The following KLHL12 variants were observed in gnomAD, a reference collection of about 807,000 sequenced individuals.
KLHL12 encodes kelch-like protein 12.
In KLHL12, 17 loss-of-function variants were observed where a neutral mutation model predicts 60.8. That is an observed-to-expected ratio of 0.28 (90% CI 0.19 to 0.42). The LOEUF is 0.42. KLHL12 is among the 10% of genes least tolerant of loss of function. The pLI is 1.00. For synonymous variants in KLHL12, 220 were observed against 250.9 expected (o/e 0.88, Z 1.16); for missense variants, 468 against 722.3 (o/e 0.65, Z 4.04).
upstream of KLHL12, among the ~76,000 whole-genome samples, chr1:202,927,519 C>CAAAA (rs869139683): frequency 1.3e-4 from 7 of 52,796 alleles, 3 homozygotes; most frequent in Non-Finnish European, 2.3e-4. Flanking sequence ...CCCGTTTCTA[C>CAAAA]AAAAAAAAAA....
rs1659809853 is a variant in KLHL12 at position 202,895,634 on chromosome 1, G to A, written c.1023C>T (p.Ser341=). 6.2e-7 allele frequency: 1 copy of A among 1,613,996 alleles called. No homozygotes were observed. The highest frequency in any genetic ancestry group is 1.3e-5 in the African/African-American group (1 of 74,886). Residue 341 remains serine, a synonymous_variant, in exon 8 of 12, where the codon TCC becomes TCT. Transcript: ENST00000367261. The surrounding 1 kb of genome is among the most constrained non-coding windows in gnomAD (Gnocchi z 4.2). ...CTAGACATTCCACTGAACTAAGGCG[G>A]GAACGGCCATCATAGCCACCAATGA... ...IYVIGGYDGR[S]RLSSVECLDY...
chr1:202,917,647 AG>A (rs1660563423), intron 4 of KLHL12, among the ~76,000 whole-genome samples: 1 of 152,108 alleles, frequency 6.6e-6, no homozygotes. Context: ...TCCACTCCTG[AG>A]CAAAGGTTTA....
Position 202,892,439 on chromosome 1 carries a change from T to C in KLHL12, c.*94A>G. 7.0e-7 allele frequency: 1 copy of C among 1,418,908 alleles called. No homozygotes were observed. The highest frequency in any genetic ancestry group is 9.8e-7 in the Non-Finnish European group (1 of 1,020,994). 87.9% of individuals were successfully genotyped at this position (1,418,908 alleles called of 1,614,324 possible). Reference sequence around the variant, plus strand: ...GGTGCCTGTAATCACCCGGTGCACATAGTGAGAAACAGACATTCTGGAAAG... The same window carrying C: ...GGTGCCTGTAATCACCCGGTGCACACAGTGAGAAACAGACATTCTGGAAAG... On this transcript the variant is annotated 3_prime_UTR_variant, in exon 12 of 12. Coordinates refer to ENST00000367261, the MANE Select transcript of KLHL12 (RefSeq NM_021633.4).
intron 3 of KLHL12, among the ~76,000 whole-genome samples, chr1:202,918,667 A>G (rs1021633001): frequency 6.6e-6 from 1 of 152,258 alleles, no homozygotes; most frequent in African/African-American, 2.4e-5. Context: ...CAATTCAACA[A>G]AAATGCCTAT....
At chr1:202,906,070 C>T (rs1360864238) in intron 6 of KLHL12, among the ~76,000 whole-genome samples, 14 of 145,384 alleles carry the variant, frequency 9.6e-5, no homozygotes, top group Middle Eastern at 3.6e-3. Flanking sequence ...CCACCCGCCT[C>T]GGCCTCCCAA....
intron 4 of KLHL12, chr1:202,912,357 T>C: frequency 1.3e-6 from 1 of 795,510 alleles, no homozygotes; most frequent in Non-Finnish European, 2.2e-6. Context: ...GAAAGCCCTG[T>C]CAAAGTAAGA....
rs774193240 is a variant in KLHL12, at chr1:202,911,166, T to C, written c.605A>G (p.Asn202Ser). 4 of 1,614,152 alleles carry C rather than the reference T, an allele frequency of 2.5e-6. No individual in the cohort carries two copies. Among genetic ancestry groups the C allele is most frequent in the Middle Eastern group, 1.6e-4 (1 of 6,062 alleles). The change falls in exon 5 of 12, where the codon AAC (asparagine) becomes AGC (serine). Residue 202 changes from asparagine to serine, a missense_variant. By Grantham distance (46) the Asn-to-Ser change is conservative. Transcript: ENST00000367261. ...CTCTTTCTTGGCATGCTTCACCCAGTTGATGACAGCCTCAAAGACTGGCTC... is the reference window on the plus strand; with the variant it reads ...CTCTTTCTTGGCATGCTTCACCCAGCTGATGACAGCCTCAAAGACTGGCTC... ...SEEPVFEAVI[N>S]WVKHAKKERE...
chr1:202,900,995 G>A (rs1349530720), intron 6 of KLHL12, among the ~76,000 whole-genome samples: 3 of 151,994 alleles, frequency 2.0e-5, no homozygotes, highest in Non-Finnish European at 2.9e-5. Flanking sequence ...GCAGTGAGCC[G>A]AGATCATGCC....
upstream of KLHL12, chr1:202,928,443 A>G (rs775204421): frequency 2.6e-4 from 315 of 1,220,090 alleles, no homozygotes; most frequent in Non-Finnish European, 3.3e-4. Flanking sequence ...TCCAACGCTT[A>G]ATATGCCAAG....
intron 1 of KLHL12, among the ~76,000 whole-genome samples, chr1:202,925,964 G>A (rs1381971393): frequency 6.6e-6 from 1 of 151,930 alleles, no homozygotes; most frequent in African/African-American, 2.4e-5. Flanking sequence ...AAATAGCCAG[G>A]CGTGGTGATG....
intron 6 of KLHL12, among the ~76,000 whole-genome samples, chr1:202,905,972 T>TA (rs1239789522): frequency 3.1e-5 from 4 of 130,778 alleles, no homozygotes; most frequent in African/African-American, 5.7e-5. Context: ...ACCTGGCTTT[T>TA]TTTTTTTTTT....
At position 202,893,732 on chromosome 1, in the gene KLHL12, A is replaced by G. The variant is rs761160553; in HGVS notation, c.1394-307T>C. Among the ~76,000 whole-genome samples the G allele has an allele frequency of 2.0e-5, 3 of 152,274 alleles. No individual in the cohort carries two copies. Among genetic ancestry groups the G allele is most frequent in the Non-Finnish European group, 4.4e-5 (3 of 68,048 alleles). ...GTGAAAAAAAGGTGGCAATAAAGGT[A>G]GATGGAGGGAAAGGAGTTGTGATTA... On this transcript the variant is annotated intron_variant, in intron 10 of 11. Coordinates refer to ENST00000367261, the MANE Select transcript of KLHL12 (RefSeq NM_021633.4). The surrounding 1 kb of genome is among the most constrained non-coding windows in gnomAD (Gnocchi z 4.1).
intron 4 of KLHL12, among the ~76,000 whole-genome samples, chr1:202,913,832 G>A (rs1487935445): frequency 6.6e-6 from 1 of 152,178 alleles, no homozygotes; most frequent in African/African-American, 2.4e-5. Flanking sequence ...CCCATGCGTG[G>A]CTATTTACAT....
At chr1:202,910,493 G>A (rs960628922) in intron 5 of KLHL12, among the ~76,000 whole-genome samples, 1 of 152,206 alleles carries the variant, frequency 6.6e-6, no homozygotes, top group African/African-American at 2.4e-5. Context: ...TCTTCTTGCT[G>A]GGTTACCTAC....
intron 6 of KLHL12, among the ~76,000 whole-genome samples, chr1:202,902,323 G>A (rs1557989146): frequency 1.3e-5 from 2 of 151,830 alleles, no homozygotes; most frequent in Non-Finnish European, 2.9e-5. Flanking sequence ...TCAGCTACTC[G>A]GGAGGCTGAG....
intron 6 of KLHL12, among the ~76,000 whole-genome samples, chr1:202,904,854 T>C (rs192131278): frequency 2.0e-5 from 3 of 152,348 alleles, no homozygotes; most frequent in Admixed American, 2.0e-4. Flanking sequence ...AGCCACAAAT[T>C]AGAAAAGTAA....
chr1:202,912,629 C>G (rs1660399858), intron 4 of KLHL12: 2 of 1,343,112 alleles, frequency 1.5e-6, no homozygotes, highest in Admixed American at 3.4e-5. Flanking sequence ...AAGCTCTGGG[C>G]CCCTATGGCG....
rs1452480036 is a variant in KLHL12, at chr1:202,909,114, C to A, written c.728G>T (p.Arg243Leu). The change falls in exon 6 of 12, where the codon CGC becomes CTC. Residue 243 changes from arginine (R) to leucine (L), a missense_variant. Arg to Leu is a moderately radical substitution (Grantham distance 102). Transcript: ENST00000367261. This position sits in a 1 kb window ranked among gnomAD's most constrained non-coding sequence, Gnocchi z 4.1. ...CAGATCCCTGCATTGTAAACTACAG[C>A]GGATGAAAGGCTGAAATATAGCAGA... is the stretch of plus-strand genomic sequence containing the variant. ...TDVIDAEPFI[R>L]CSLQCRDLVD... 4 of 1,611,722 alleles carry A rather than the reference C, an allele frequency of 2.5e-6. No homozygotes were observed. The highest frequency in any genetic ancestry group is 3.4e-6 in the Non-Finnish European group (4 of 1,178,174).
chr1:202,894,457 G>A (rs888688729), intron 9 of KLHL12, 134 bp downstream of exon 9: 2 of 958,206 alleles, frequency 2.1e-6, no homozygotes, highest in East Asian at 2.4e-5. Flanking sequence ...CCCAATTAAT[G>A]GAAAATATAT....
Sources: gnomAD v4.1 joint callset for allele counts (sites outside exome capture counted in the v4.1 genomes callset) on GRCh38, gnomAD v4.1.1 for gene constraint, Gnocchi (gnomAD v3.1) non-coding constraint, MANE v1.5 for transcripts, NCBI Gene and HGNC (gene_info 2026-07-23, HGNC 2026-07-21) for gene names.